Variants in NECTIN2 observed in about 807,000 individuals in gnomAD.
NECTIN2 encodes the protein nectin-2.
Under a neutral mutation model 56.9 loss-of-function variants are expected in NECTIN2, and 23 were observed. That is an observed-to-expected ratio of 0.40 (90% CI 0.29 to 0.57). NECTIN2 has a LOEUF of 0.57. Among genes scored for constraint, NECTIN2 ranks in the 20% least tolerant of loss-of-function variants. The probability of loss-of-function intolerance (pLI) is 0.38; values close to 1 mark genes in which losing one functional copy is unlikely to be tolerated. For synonymous variants in NECTIN2, 302 were observed against 313.8 expected (o/e 0.96, Z 0.40); for missense variants, 587 against 718.3 (o/e 0.82, Z 2.09).
In NECTIN2 at chr19:44,886,001, G is replaced by A; in HGVS notation, c.1260+1G>A. On this transcript the variant is annotated splice_donor_variant, in intron 7 of 8. Coordinates refer to ENST00000252483, the MANE Select transcript of NECTIN2 (RefSeq NM_001042724.2). LOFTEE classifies it high-confidence loss of function. The stretch of plus-strand genomic sequence containing the variant: ...AGCGAAGCTGGAGGCACAGGAGATG[G>A]TGAGCACTTTCCCTGGAGCCCAAGC... 1 of 1,600,642 alleles carries A rather than the reference G, an allele frequency of 6.2e-7. No homozygotes were observed. The highest frequency in any genetic ancestry group is 8.6e-7 in the Non-Finnish European group (1 of 1,167,864).
rs1410983567 is a variant in NECTIN2 at position 44,846,324 on chromosome 19, A to C, written c.-202A>C. On this transcript the variant is annotated 5_prime_UTR_variant, in exon 1 of 9. Coordinates refer to ENST00000252483, the MANE Select transcript of NECTIN2 (RefSeq NM_001042724.2). ...GACGTCAGCGGGTTCGAACCGCCGG[A>C]GCTGAGCGAGAGGCCGGGGGTGCCG... 3 of 545,594 alleles carry C rather than the reference A, an allele frequency of 5.5e-6. No homozygotes were observed. Among genetic ancestry groups the C allele is most frequent in the East Asian group, 7.3e-5 (2 of 27,550 alleles). 33.8% of individuals were successfully genotyped at this position (545,594 alleles called of 1,614,324 possible). A position where few individuals can be genotyped will look rare whatever the true frequency, so the allele number is the denominator to read the frequency against.
At position 44,846,496 on chromosome 19, in the gene NECTIN2, G is replaced by A; in HGVS notation, c.-30G>A. 7.0e-7 allele frequency: 1 copy of A among 1,435,630 alleles called. No individual in the cohort carries two copies. Among genetic ancestry groups the A allele is most frequent in the South Asian group, 1.4e-5 (1 of 70,546 alleles). The allele number at this position is 1,435,630 out of a possible 1,614,324, so 88.9% of individuals were successfully genotyped here. On this transcript the variant is annotated 5_prime_UTR_variant, in exon 1 of 9. Transcript: ENST00000252483. ...CCCACAGAGTGGCCCGCGGGCCTCC[G>A]GCCGGGCCCAGTCCCCTCCCGGGCC...
At chr19:44,878,841 T>A in intron 5 of NECTIN2, 1 of 1,330,188 alleles carries the variant, frequency 7.5e-7, no homozygotes, top group Non-Finnish European at 9.6e-7. Flanking sequence ...GTAGTGGGGA[T>A]CCAGAGAGGA....
intron 2 of NECTIN2, among the ~76,000 whole-genome samples, chr19:44,867,640 G>A (rs999823187): frequency 1.3e-5 from 2 of 152,196 alleles, no homozygotes; most frequent in South Asian, 4.1e-4. Context: ...AGAGGGGCAC[G>A]GGCACAGAAA....
At chr19:44,871,749 T>G in intron 2 of NECTIN2, 104 bp from the exon 3 acceptor site, 1 of 1,292,616 alleles carries the variant, frequency 7.7e-7, no homozygotes, top group East Asian at 2.5e-5. Context: ...AGAGCTGGGA[T>G]TGGAACCCCG....
At position 44,886,360 on chromosome 19, in the gene NECTIN2, G is replaced by A. The variant is rs1407947235; in HGVS notation, c.1347+141G>A. 3 of 656,338 alleles carry A rather than the reference G, an allele frequency of 4.6e-6. No homozygotes were observed. In the East Asian group the frequency reaches 8.2e-5, roughly 18 times the overall value. The allele number at this position is 656,338 out of a possible 1,614,324, so 40.7% of individuals were successfully genotyped here. A position where few individuals can be genotyped will look rare whatever the true frequency, so the allele number is the denominator to read the frequency against. ...CCCCGGTTGGTGCTTAATGCATTGAGATGTGTTCAGGATTCCATGGGGGAG... is the reference window on the plus strand; with the variant it reads ...CCCCGGTTGGTGCTTAATGCATTGAAATGTGTTCAGGATTCCATGGGGGAG... On this transcript the variant is annotated intron_variant, in intron 8 of 8. Coordinates refer to ENST00000252483, the MANE Select transcript of NECTIN2 (RefSeq NM_001042724.2).
chr19:44,854,390 G>GT (rs1968939063), intron 1 of NECTIN2, among the ~76,000 whole-genome samples: 2 of 152,028 alleles, frequency 1.3e-5, no homozygotes, highest in African/African-American at 4.8e-5. Context: ...CCTAAAGTCG[G>GT]TTTTTTTGTT....
intron 5 of NECTIN2, among the ~76,000 whole-genome samples, chr19:44,877,254 C>A (rs917381002): frequency 6.6e-6 from 1 of 152,034 alleles, no homozygotes. Flanking sequence ...TGGGTGAACC[C>A]CCCACCCCCG....
chr19:44,877,676 C>T (rs533251034), intron 5 of NECTIN2, among the ~76,000 whole-genome samples: 4 of 152,342 alleles, frequency 2.6e-5, no homozygotes, highest in South Asian at 2.1e-4. Flanking sequence ...TGTCCTCCCC[C>T]GAGGGGGTGT....
chr19:44,868,474 T>C (rs1478747891), intron 2 of NECTIN2, among the ~76,000 whole-genome samples: 1 of 148,894 alleles, frequency 6.7e-6, no homozygotes, highest in Non-Finnish European at 1.5e-5. Context: ...TTCTTTTTTT[T>C]TTTTTTTCTT....
chr19:44,864,381 C>T (rs1202156206), intron 1 of NECTIN2, among the ~76,000 whole-genome samples: 1 of 152,012 alleles, frequency 6.6e-6, no homozygotes, highest in African/African-American at 2.4e-5. Flanking sequence ...ATTTTAAAGG[C>T]AGGGTCTCAC....
chr19:44,876,921 G>C (rs1360783902), intron 5 of NECTIN2, among the ~76,000 whole-genome samples: 1 of 152,002 alleles, frequency 6.6e-6, no homozygotes, highest in Non-Finnish European at 1.5e-5. Context: ...AACAGACTCA[G>C]CTTCGAGTTC....
chr19:44,857,805 C>T (rs1211481944), intron 1 of NECTIN2, among the ~76,000 whole-genome samples: 1 of 151,884 alleles, frequency 6.6e-6, no homozygotes, highest in African/African-American at 2.4e-5. Context: ...TTCGGCCTCC[C>T]ATAGTGCTGG....
Position 44,865,505 on chromosome 19 carries a change from C to T in NECTIN2, c.323C>T (p.Ala108Val). ...AGCGAGCGGCTGTCCTTCGTCTCTG[C>T]CAAGCAGAGCACTGGGCAAGACACA... ...PGSERLSFVSAKQSTGQDTEA... is the reference protein window; with the variant it reads ...PGSERLSFVSVKQSTGQDTEA... The change falls in exon 2 of 9, where the codon GCC (alanine) becomes GTC (valine). Residue 108 changes from alanine to valine, a missense_variant. Transcript: ENST00000252483. The surrounding 1 kb of genome is among the most constrained non-coding windows in gnomAD (Gnocchi z 5.2). 1 of 1,601,342 alleles carries T rather than the reference C, an allele frequency of 6.2e-7. No homozygotes were observed. The highest frequency in any genetic ancestry group is 8.5e-7 in the Non-Finnish European group (1 of 1,174,516).
intron 1 of NECTIN2, among the ~76,000 whole-genome samples, chr19:44,858,224 C>G (rs752497221): frequency 5.9e-5 from 9 of 152,034 alleles, no homozygotes; most frequent in Non-Finnish European, 1.2e-4. Context: ...AAGTGACACA[C>G]CTGAGTTTGT....
rs1206466974 is a variant in NECTIN2, at chr19:44,872,049, G to C, written c.675G>C (p.Leu225Phe). 1.2e-6 allele frequency: 2 copies of C among 1,614,082 alleles called. No homozygotes were observed. Among genetic ancestry groups the C allele is most frequent in the Non-Finnish European group, 1.7e-6 (2 of 1,180,050 alleles). ...GTVTVTSRFT[L>F]VPSGRADGVT... The stretch of plus-strand genomic sequence containing the variant: ...TCACTGTCACCAGCCGCTTCACCTT[G>C]GTGCCCTCGGGCCGAGCAGATGGTG... Residue 225 changes from leucine to phenylalanine, a missense_variant, in exon 3 of 9, where the codon TTG (leucine) becomes TTC (phenylalanine). Coordinates refer to ENST00000252483, the MANE Select transcript of NECTIN2 (RefSeq NM_001042724.2).
At chr19:44,887,470 C>T (rs1282034517) in intron 8 of NECTIN2, among the ~76,000 whole-genome samples, 2 of 151,758 alleles carry the variant, frequency 1.3e-5, no homozygotes, top group Non-Finnish European at 2.9e-5. Context: ...ATGGTGAAAC[C>T]CTGTCTCTAC....
intron 1 of NECTIN2, among the ~76,000 whole-genome samples, chr19:44,861,735 A>G (rs1436471939): frequency 1.3e-5 from 2 of 152,224 alleles, no homozygotes; most frequent in African/African-American, 4.8e-5. Flanking sequence ...TGCAGCCAAC[A>G]AACATGAAAA....
At position 44,870,982 on chromosome 19, in the gene NECTIN2, G is replaced by C. The variant is rs1969168084; in HGVS notation, c.479-871G>C. Among the ~76,000 whole-genome samples, 3 of 151,942 alleles carry C rather than the reference G, an allele frequency of 2.0e-5. No individual in the cohort carries two copies. The South Asian group carries it at 6.2e-4, about 32-fold the overall frequency. Reference sequence around the variant, plus strand: ...TGACCTCAGGTGATCTGCCCACCTGGGCCTCCCAAAGTGCTGGGATTACAG... The same window carrying C: ...TGACCTCAGGTGATCTGCCCACCTGCGCCTCCCAAAGTGCTGGGATTACAG... On this transcript the variant is annotated intron_variant, in intron 2 of 8. Transcript: ENST00000252483.
Sources: gnomAD v4.1 joint callset for allele counts (sites outside exome capture counted in the v4.1 genomes callset) on GRCh38, gnomAD v4.1.1 for gene constraint, Gnocchi (gnomAD v3.1) non-coding constraint, MANE v1.5 for transcripts, NCBI Gene and HGNC (gene_info 2026-07-23, HGNC 2026-07-21) for gene names.